Variants in ZNF717 observed in about 807,000 individuals in gnomAD.
ZNF717 encodes the protein zinc finger protein 717.
ZNF717 carries 9 observed loss-of-function variants against 13.8 expected under a neutral mutation model. The ratio of observed to expected loss-of-function variants is 0.65; its 90% CI spans 0.39 to 1.14. ZNF717 has a LOEUF of 1.14. Among genes scored for constraint, ZNF717 ranks in the 50% most tolerant of loss-of-function variants. The probability of loss-of-function intolerance (pLI) is 0.01; values close to 1 mark genes in which losing one functional copy is unlikely to be tolerated. For missense variants in ZNF717, 1,040 were observed against 1,080.7 expected (o/e 0.96, Z 0.53); for synonymous variants, 327 against 364.1 (o/e 0.90, Z 1.16).
chr3:75,776,348 T>C (rs561475967), intron 2 of ZNF717, among the ~76,000 whole-genome samples: 2 of 152,404 alleles, frequency 1.3e-5, no homozygotes, highest in Admixed American at 6.5e-5. Flanking sequence ...TCAGGTACAT[T>C]TGGTTACCTG....
downstream of ZNF717, among the ~76,000 whole-genome samples, chr3:75,731,552 G>C (rs74212544): frequency 0.059 from 4,005 of 67,998 alleles, no homozygotes; most frequent in Middle Eastern, 0.11. Flanking sequence ...CAAAGTGAGA[G>C]TCCATCTCAA....
intron 4 of ZNF717, among the ~76,000 whole-genome samples, chr3:75,717,283 A>G (rs1972853): frequency 0.36 from 53,984 of 150,408 alleles, 5,278 homozygotes; most frequent in South Asian, 0.51. Flanking sequence ...TATGTCCAAC[A>G]GACACATCCA....
rs370055395 is a variant in ZNF717 at position 75,749,169 on chromosome 3, C to T, written c.58-7433G>A. Among the ~76,000 whole-genome samples, 115 of 150,896 alleles carry T rather than the reference C, an allele frequency of 7.6e-4. 1 individual carries two copies. The South Asian group carries it at 0.019, about 25-fold the overall frequency. On this transcript the variant is annotated intron_variant, in intron 2 of 4. Transcript: ENST00000652011. Reference sequence around the variant, plus strand: ...GAGGGTCTGAATGGTTTGTCCCCCGCATAGGATTCCAGAACACCATGGCGA... The same window carrying T: ...GAGGGTCTGAATGGTTTGTCCCCCGTATAGGATTCCAGAACACCATGGCGA...
intron 2 of ZNF717, among the ~76,000 whole-genome samples, chr3:75,778,255 A>G (rs1559691023): frequency 6.6e-6 from 1 of 152,006 alleles, no homozygotes; most frequent in Admixed American, 6.6e-5. Flanking sequence ...CTAAAACCGG[A>G]ACCCAAAACA....
At chr3:75,696,126 A>G (rs1394472492) in intron 6 of ZNF717, among the ~76,000 whole-genome samples, 2 of 152,310 alleles carry the variant, frequency 1.3e-5, no homozygotes, top group African/African-American at 4.8e-5. Context: ...GTGAAAAAGG[A>G]GACATTACAA....
chr3:75,747,578 C>G (rs1941295670), intron 2 of ZNF717, among the ~76,000 whole-genome samples: 1 of 152,120 alleles, frequency 6.6e-6, no homozygotes, highest in South Asian at 2.1e-4. Context: ...TTCTTCACAA[C>G]CATTGTAAGT....
downstream of ZNF717, among the ~76,000 whole-genome samples, chr3:75,725,816 A>C (rs1332958474): frequency 1.3e-5 from 2 of 152,226 alleles, no homozygotes; most frequent in Non-Finnish European, 2.9e-5. Flanking sequence ...TTCCTCCCAC[A>C]ATATGTGGGA....
chr3:75,723,840 A>G (rs1356802519), intron 4 of ZNF717, among the ~76,000 whole-genome samples: 3 of 152,126 alleles, frequency 2.0e-5, no homozygotes, highest in African/African-American at 7.2e-5. Context: ...CGGGGGAGTT[A>G]GAGAAGACTC....
chr3:75,774,203 AG>A (rs1653396069), intron 2 of ZNF717, among the ~76,000 whole-genome samples: 6 of 151,038 alleles, frequency 4.0e-5, no homozygotes, highest in African/African-American at 7.3e-5. Context: ...AAAAAAAAAA[AG>A]GAAAAACAAG....
intron 2 of ZNF717, among the ~76,000 whole-genome samples, chr3:75,777,369 TA>T (rs1418245486): frequency 7.4e-6 from 1 of 136,020 alleles, no homozygotes. Context: ...AGTGACGTGC[TA>T]AAACCAGAAA....
intron 6 of ZNF717, among the ~76,000 whole-genome samples, chr3:75,697,145 C>A (rs1937612739): frequency 6.6e-6 from 1 of 152,298 alleles, no homozygotes; most frequent in Admixed American, 6.5e-5. Context: ...ACTTTTACCA[C>A]TGTTATTCAA....
At chr3:75,742,405 C>T (rs1575788933) in intron 2 of ZNF717, among the ~76,000 whole-genome samples, 1 of 151,180 alleles carries the variant, frequency 6.6e-6, no homozygotes, top group Admixed American at 6.6e-5. Flanking sequence ...TAAACACATA[C>T]TGGGAATAAT....
intron 2 of ZNF717, among the ~76,000 whole-genome samples, chr3:75,748,785 C>T (rs114084574): frequency 3.9e-5 from 6 of 152,146 alleles, no homozygotes; most frequent in African/African-American, 1.4e-4. Context: ...TGGGCACAAA[C>T]AGGGATGCCC....
At chr3:75,774,242 T>C (rs1944131280) in intron 2 of ZNF717, among the ~76,000 whole-genome samples, 1 of 151,852 alleles carries the variant, frequency 6.6e-6, no homozygotes, top group South Asian at 2.1e-4. Context: ...AGGTAAGTCT[T>C]CCCTCTATCA....
At chr3:75,724,691 G>A (rs1419732505) in intron 4 of ZNF717, among the ~76,000 whole-genome samples, 1 of 145,816 alleles carries the variant, frequency 6.9e-6, no homozygotes. Flanking sequence ...GTTTATTTAA[G>A]CAACCACGTG....
chr3:75,723,993 T>A (rs1474246090), intron 4 of ZNF717, among the ~76,000 whole-genome samples: 2 of 152,032 alleles, frequency 1.3e-5, no homozygotes, highest in African/African-American at 4.8e-5. Context: ...GGCTCGGCCT[T>A]CTAGATAGCA....
rs775503070 is a variant in ZNF717, at chr3:75,737,214, T to C, written c.2409A>G (p.Ile803Met). The part of the protein sequence containing the change: ...KTFYDKTVLT[I>M]HQRTHTGEKP... ...TCTCACCTGTGTGAGTTCTCTGATGTATGGTGAGAACTGTCTTATCGTAAA... is the reference window on the plus strand; with the variant it reads ...TCTCACCTGTGTGAGTTCTCTGATGCATGGTGAGAACTGTCTTATCGTAAA... Residue 803 changes from isoleucine to methionine, a missense_variant, in exon 5 of 5, where the codon ATA (isoleucine) becomes ATG (methionine). Physicochemically the swap from Ile to Met is conservative, Grantham distance 10. Coordinates refer to ENST00000652011, the MANE Select transcript of ZNF717 (RefSeq NM_001290208.3). 3.2e-6 allele frequency: 5 copies of C among 1,554,012 alleles called. No homozygotes were observed. Among genetic ancestry groups the C allele is most frequent in the Non-Finnish European group, 3.5e-6 (4 of 1,148,504 alleles).
At chr3:75,771,516 G>C (rs371550771) in intron 2 of ZNF717, among the ~76,000 whole-genome samples, 12 of 126,800 alleles carry the variant, frequency 9.5e-5, no homozygotes, top group African/African-American at 2.8e-4. Flanking sequence ...CCTCCGGAGC[G>C]ATAGTGTGGT....
rs1382321524 is a variant in ZNF717 at position 75,737,860 on chromosome 3, T to C, written c.1763A>G (p.Lys588Arg). 4.0e-5 allele frequency: 62 copies of C among 1,546,632 alleles called. No individual in the cohort carries two copies. Among genetic ancestry groups the C allele is most frequent in the Non-Finnish European group, 5.2e-5 (60 of 1,143,668 alleles). Residue 588 changes from lysine to arginine, a missense_variant, in exon 5 of 5, where the codon AAA becomes AGA. Lys to Arg is a conservative substitution (Grantham distance 26). This residue lies in a region of ZNF717 where 873 missense variants were observed against 832.8 expected (regional missense o/e 1.05). Transcript: ENST00000652011. ...ACATTCATTACATTCATAGGGTTTT[T>C]TGCCAGCATGAGTTCTCTGATGTAT... is the stretch of plus-strand genomic sequence containing the variant. ...LTIHQRTHAG[K>R]KPYECNECEK...
Sources: allele counts gnomAD v4.1 joint callset (sites outside exome capture counted in the v4.1 genomes callset), GRCh38; gene constraint gnomAD v4.1.1; regional missense constraint gnomAD v4.1.1; transcripts MANE v1.5; gene names NCBI Gene and HGNC (gene_info 2026-07-23, HGNC 2026-07-21).